The following IL1RAPL1 variants were observed in gnomAD, a reference collection of about 807,000 sequenced individuals.
IL1RAPL1 encodes interleukin 1 receptor accessory protein like 1.
Under a neutral mutation model 48.4 loss-of-function variants are expected in IL1RAPL1, and 3 were observed. That is an observed-to-expected ratio of 0.06 (90% CI 0.03 to 0.16). IL1RAPL1 has a LOEUF of 0.16. Among genes scored for constraint, IL1RAPL1 ranks in the 10% least tolerant of loss-of-function variants. IL1RAPL1 has a pLI of 1.00. For synonymous variants in IL1RAPL1, 185 were observed against 187.7 expected (o/e 0.99, Z 0.12); for missense variants, 349 against 530.6 (o/e 0.66, Z 3.36).
rs1433657725 is a variant in IL1RAPL1 at position 28,633,374 on chromosome X, AT to A, written c.-25+45331del. Among the ~76,000 whole-genome samples the A allele has an allele frequency of 6.3e-5, 7 of 111,312 alleles. No homozygotes were observed. In the Admixed American group the frequency reaches 6.7e-4, roughly 11 times the overall value. On this transcript the variant is annotated intron_variant, in intron 1 of 10. Coordinates refer to ENST00000378993, the MANE Select transcript of IL1RAPL1 (RefSeq NM_014271.4). ...CACTCCCAAATCAATGAGGTTTGTA[AT>A]TTTGGCATCCTACTTTTGAAAGGCT...
intron 3 of IL1RAPL1, among the ~76,000 whole-genome samples, chrX:29,364,562 C>CAAAAAAAAAAAAAA (rs766680904): frequency 2.3e-5 from 1 of 43,580 alleles, no homozygotes; most frequent in Non-Finnish European, 4.1e-5. Context: ...GACTCTATCT[C>CAAAAAAAAAAAAAA]AAAAAAAAAA....
At chrX:29,100,976 T>C (rs2147463524) in intron 2 of IL1RAPL1, among the ~76,000 whole-genome samples, 1 of 111,910 alleles carries the variant, frequency 8.9e-6, no homozygotes, top group African/African-American at 3.2e-5. Context: ...AATGGGTAGT[T>C]TTGGGAATGT....
At chrX:28,667,567 CAT>C (rs1934895829) in intron 1 of IL1RAPL1, among the ~76,000 whole-genome samples, 1 of 112,098 alleles carries the variant, frequency 8.9e-6, no homozygotes, top group East Asian at 2.8e-4. Context: ...CATTCTTCCA[CAT>C]GTCTGGTTCT....
At chrX:28,963,009 T>C (rs1433337093) in intron 2 of IL1RAPL1, among the ~76,000 whole-genome samples, 1 of 110,554 alleles carries the variant, frequency 9.0e-6, no homozygotes, top group Non-Finnish European at 1.9e-5. Flanking sequence ...CTCACTTACT[T>C]AGAGTGCTTT....
intron 2 of IL1RAPL1, among the ~76,000 whole-genome samples, chrX:29,031,808 G>T (rs749366838): frequency 1.1e-4 from 12 of 111,090 alleles, no homozygotes; most frequent in South Asian, 3.9e-4. Flanking sequence ...AGTACCACTT[G>T]GCCACAAGTG....
rs542127319 is a variant in IL1RAPL1 at position 29,276,819 on chromosome X, G to T, written c.83-6119G>T. 4.5e-5 allele frequency among the ~76,000 whole-genome samples: 5 copies of T among 111,024 alleles called. No individual in the cohort carries two copies. In the East Asian group the frequency reaches 1.1e-3, roughly 25 times the overall value. On this transcript the variant is annotated intron_variant, in intron 2 of 10. Transcript: ENST00000378993. ...GCACATGCTGCTGGGTCCAGTTTGA[G>T]ATTTAGATATGTAGATGATAGATAC...
At chrX:29,423,265 G>C (rs1934312694) in intron 5 of IL1RAPL1, among the ~76,000 whole-genome samples, 1 of 111,808 alleles carries the variant, frequency 8.9e-6, no homozygotes, top group African/African-American at 3.2e-5. Context: ...AAGTTGTCCT[G>C]CCTTTCTGGA....
chrX:28,621,692 G>A (rs145433490), intron 1 of IL1RAPL1, among the ~76,000 whole-genome samples: 211 of 111,910 alleles, frequency 1.9e-3, no homozygotes, highest in Non-Finnish European at 3.0e-3. Context: ...TAAATCTTTA[G>A]TTTCTTATTG....
At chrX:29,090,421 A>C (rs1928064346) in intron 2 of IL1RAPL1, among the ~76,000 whole-genome samples, 1 of 112,090 alleles carries the variant, frequency 8.9e-6, no homozygotes, top group African/African-American at 3.2e-5. Flanking sequence ...AACTGAGAGG[A>C]AAACTTTTAC....
At chrX:28,603,491 C>G (rs959446291) in intron 1 of IL1RAPL1, among the ~76,000 whole-genome samples, 14 of 111,788 alleles carry the variant, frequency 1.3e-4, no homozygotes, top group Non-Finnish European at 3.8e-5. Flanking sequence ...CTACCACTAG[C>G]TATGTATTTT....
In IL1RAPL1 at chrX:29,306,534, A is replaced by G. The variant is rs1212609805; in HGVS notation, c.362+23317A>G. Among the ~76,000 whole-genome samples the G allele has an allele frequency of 1.4e-4, 14 of 98,683 alleles. No individual in the cohort carries two copies. In the Admixed American group the frequency reaches 1.4e-3, roughly 10 times the overall value. The allele number at this position is 98,683 out of a possible 115,157, so 85.7% of individuals were successfully genotyped here. The stretch of plus-strand genomic sequence containing the variant: ...CAGAGCAAGACTCTGTCAAAAGAAA[A>G]AAAAAAAAAAAAAAAAAAACGAAAA... On this transcript the variant is annotated intron_variant, in intron 3 of 10. Coordinates refer to ENST00000378993, the MANE Select transcript of IL1RAPL1 (RefSeq NM_014271.4).
intron 6 of IL1RAPL1, among the ~76,000 whole-genome samples, chrX:29,805,782 A>G (rs1036274505): frequency 4.2e-4 from 46 of 110,715 alleles, no homozygotes; most frequent in African/African-American, 1.3e-3. Flanking sequence ...TGACAAGGAT[A>G]CAAAAGGATT....
At chrX:29,842,972 C>A (rs1478348169) in intron 6 of IL1RAPL1, among the ~76,000 whole-genome samples, 1 of 112,087 alleles carries the variant, frequency 8.9e-6, no homozygotes, top group African/African-American at 3.2e-5. Flanking sequence ...CAAAACAGAA[C>A]TATCCCTGTA....
At chrX:28,674,165 A>G (rs983646760) in intron 1 of IL1RAPL1, among the ~76,000 whole-genome samples, 2 of 111,759 alleles carry the variant, frequency 1.8e-5, no homozygotes, top group Non-Finnish European at 3.8e-5. Flanking sequence ...ACTTAGCTTA[A>G]TAGTCAGCTT....
At chrX:29,323,232 G>A (rs747452061) in intron 3 of IL1RAPL1, among the ~76,000 whole-genome samples, 7 of 111,076 alleles carry the variant, frequency 6.3e-5, no homozygotes, top group Non-Finnish European at 1.9e-5. Context: ...CAATCTTCTC[G>A]AGGGAGTAAT....
At chrX:29,441,938 A>G (rs1388525459) in intron 5 of IL1RAPL1, among the ~76,000 whole-genome samples, 1 of 112,377 alleles carries the variant, frequency 8.9e-6, no homozygotes, top group African/African-American at 3.2e-5. Context: ...TCCAAATTTT[A>G]ACTTACATAA....
At chrX:28,864,966 G>A (rs1922041310) in intron 2 of IL1RAPL1, among the ~76,000 whole-genome samples, 2 of 111,891 alleles carry the variant, frequency 1.8e-5, no homozygotes, top group Admixed American at 1.9e-4. Context: ...GCAGTGACAA[G>A]GGTGGGAAGA....
At chrX:29,802,789 G>GTATATA (rs1374355658) in intron 6 of IL1RAPL1, among the ~76,000 whole-genome samples, 33 of 26,118 alleles carry the variant, frequency 1.3e-3, no homozygotes, top group East Asian at 2.0e-3. Flanking sequence ...ATATGTGTGT[G>GTATATA]TGTATATATA....
intron 2 of IL1RAPL1, among the ~76,000 whole-genome samples, chrX:29,222,112 A>G (rs772003893): frequency 2.7e-5 from 3 of 110,621 alleles, no homozygotes; most frequent in Non-Finnish European, 3.8e-5. Context: ...GTCCCCATCT[A>G]TTTGGTGTAG....
Sources: gnomAD v4.1 joint callset for allele counts (sites outside exome capture counted in the v4.1 genomes callset) on GRCh38, gnomAD v4.1.1 for gene constraint, MANE v1.5 for transcripts, NCBI Gene and HGNC (gene_info 2026-07-23, HGNC 2026-07-21) for gene names.